The following GUCY1A2 variants were observed in gnomAD, a reference collection of about 807,000 sequenced individuals.
GUCY1A2 encodes the protein guanylate cyclase soluble subunit alpha-2.
In GUCY1A2, 27 loss-of-function variants were observed where a neutral mutation model predicts 63.5. That is an observed-to-expected ratio of 0.43 (90% CI 0.31 to 0.59). The LOEUF (loss-of-function observed/expected upper bound fraction) is 0.59. GUCY1A2 is among the 20% of genes least tolerant of loss of function. The pLI, the probability that GUCY1A2 is intolerant of heterozygous loss-of-function variation, is 0.11. For synonymous variants in GUCY1A2, 364 were observed against 343.5 expected (o/e 1.06, Z -0.66); for missense variants, 768 against 913.3 (o/e 0.84, Z 2.05).
At position 107,018,016 on chromosome 11, in the gene GUCY1A2, G is replaced by GC; in HGVS notation, c.39_40insG (p.Leu14AlafsTer20). The GC allele has an allele frequency of 1.4e-6, 2 of 1,476,638 alleles. No individual in the cohort carries two copies. Among genetic ancestry groups the GC allele is most frequent in the Non-Finnish European group, 1.8e-6 (2 of 1,103,002 alleles). 91.5% of individuals were successfully genotyped at this position (1,476,638 alleles called of 1,614,324 possible). On this transcript the variant is annotated frameshift_variant, in exon 1 of 8. Transcript: ENST00000526355. LOFTEE classifies it high-confidence loss of function. Reference sequence around the variant, plus strand: ...CTGGTCTCCAGGTAGTCGGAGCCCAGGGAGCTGAAGGACTCGGACGAAATC... The same window carrying GC: ...CTGGTCTCCAGGTAGTCGGAGCCCAGCGGAGCTGAAGGACTCGGACGAAATC...
intron 4 of GUCY1A2, among the ~76,000 whole-genome samples, chr11:106,843,337 C>CT (rs1333697697): frequency 6.6e-6 from 1 of 151,794 alleles, no homozygotes; most frequent in East Asian, 1.9e-4. Flanking sequence ...ACAGTGTTCA[C>CT]TGCTTGGGTG....
rs111738546 is a variant in GUCY1A2 at position 106,888,795 on chromosome 11, T to A, written c.1206+50665A>T. On this transcript the variant is annotated intron_variant, in intron 4 of 7. Transcript: ENST00000526355. ...TGATCACTGGAAAAGCAATCTGATT[T>A]CCTTTCCAATTAGACATCTTGATGT... Among the ~76,000 whole-genome samples the A allele has an allele frequency of 1.2e-3, 190 of 152,338 alleles. 1 individual carries two copies. Among genetic ancestry groups the A allele is most frequent in the African/African-American group, 4.3e-3 (178 of 41,594 alleles).
At chr11:106,983,640 TA>T in intron 2 of GUCY1A2, among the ~76,000 whole-genome samples, 1 of 152,192 alleles carries the variant, frequency 6.6e-6, no homozygotes, top group South Asian at 2.1e-4. Flanking sequence ...ATTAAGAAAT[TA>T]AAAAGAGAAG....
At chr11:106,777,445 C>CAAAA (rs34353077) in intron 5 of GUCY1A2, among the ~76,000 whole-genome samples, 1 of 91,382 alleles carries the variant, frequency 1.1e-5, no homozygotes, top group African/African-American at 4.3e-5. Context: ...GACTTGGTCT[C>CAAAA]AAAAAAAAAA....
In GUCY1A2 at chr11:106,772,093, T is replaced by TA. The variant is rs962088235; in HGVS notation, c.1836+4345dup. On this transcript the variant is annotated intron_variant, in intron 6 of 7. Transcript: ENST00000526355. ...TACATTCTCTGGTTATTTTCAAAATTAAAAAAAAATAAATGCAGGCAGTTT... is the reference window on the plus strand; with the variant it reads ...TACATTCTCTGGTTATTTTCAAAATTAAAAAAAAAATAAATGCAGGCAGTTT... 2.3e-3 allele frequency among the ~76,000 whole-genome samples: 348 copies of TA among 151,282 alleles called. 3 individuals carry two copies. Among genetic ancestry groups the TA allele is most frequent in the African/African-American group, 8.2e-3 (337 of 41,288 alleles).
intron 1 of GUCY1A2, among the ~76,000 whole-genome samples, chr11:106,998,881 C>T (rs969143944): frequency 6.6e-6 from 1 of 152,010 alleles, no homozygotes; most frequent in Non-Finnish European, 1.5e-5. Flanking sequence ...TTTGTTTTTA[C>T]TTCCCAATGT....
intron 4 of GUCY1A2, among the ~76,000 whole-genome samples, chr11:106,887,486 A>G (rs1205393391): frequency 6.6e-6 from 1 of 152,190 alleles, no homozygotes; most frequent in East Asian, 1.9e-4. Flanking sequence ...TCTGAAAGTC[A>G]TCTTTTTTAT....
intron 4 of GUCY1A2, among the ~76,000 whole-genome samples, chr11:106,823,772 T>G (rs537822113): frequency 5.3e-5 from 8 of 152,206 alleles, no homozygotes; most frequent in African/African-American, 1.7e-4. Flanking sequence ...GACTGGTGTA[T>G]GATGATGTCT....
intron 4 of GUCY1A2, among the ~76,000 whole-genome samples, chr11:106,855,873 ATCTGTTTGGGTC>A (rs1859422774): frequency 6.8e-6 from 1 of 147,134 alleles, no homozygotes; most frequent in African/African-American, 2.5e-5. Flanking sequence ...AGGGTGTTTT[ATCTGTTTGGGTC>A]TCTTGTATTT....
chr11:106,794,419 T>C (rs975298109), intron 5 of GUCY1A2, among the ~76,000 whole-genome samples: 1 of 151,898 alleles, frequency 6.6e-6, no homozygotes, highest in Non-Finnish European at 1.5e-5. Flanking sequence ...GGATCTACCA[T>C]ATAGCATGCT....
intron 3 of GUCY1A2, among the ~76,000 whole-genome samples, chr11:106,976,132 A>G (rs1861258663): frequency 6.6e-6 from 1 of 152,172 alleles, no homozygotes; most frequent in African/African-American, 2.4e-5. Context: ...CAACCCTGTA[A>G]TAGGTTAAGA....
At chr11:106,753,047 G>A (rs967439319) in intron 6 of GUCY1A2, among the ~76,000 whole-genome samples, 9 of 150,066 alleles carry the variant, frequency 6.0e-5, no homozygotes, top group African/African-American at 2.2e-4. Context: ...TAATGATCAT[G>A]ATGTTAACAG....
At chr11:107,015,779 A>T (rs1179203661) in intron 1 of GUCY1A2, among the ~76,000 whole-genome samples, 1 of 152,136 alleles carries the variant, frequency 6.6e-6, no homozygotes. Context: ...AAATATTTTC[A>T]ACAATTTGCA....
At position 106,717,045 on chromosome 11, in the gene GUCY1A2, C is replaced by A. The variant is rs113863659; in HGVS notation, c.1837-8379G>T. Among the ~76,000 whole-genome samples the A allele has an allele frequency of 8.6e-3, 1,309 of 152,172 alleles. 19 individuals carry two copies. Among genetic ancestry groups the A allele is most frequent in the African/African-American group, 0.029 (1,206 of 41,524 alleles). ...AGAGATGCCAAGTTCATGGTAATAT[C>A]AATTTTGCAGCTATATCTAGCCTCT... On this transcript the variant is annotated intron_variant, in intron 6 of 7. Coordinates refer to ENST00000526355, the MANE Select transcript of GUCY1A2 (RefSeq NM_000855.3).
At chr11:106,933,929 C>A (rs146672879) in intron 4 of GUCY1A2, among the ~76,000 whole-genome samples, 221 of 151,960 alleles carry the variant, frequency 1.5e-3, no homozygotes, top group African/African-American at 5.2e-3. Context: ...AAGATGGCAA[C>A]AATAGACATT....
chr11:106,823,004 C>T (rs1858922839), intron 4 of GUCY1A2, among the ~76,000 whole-genome samples: 1 of 151,922 alleles, frequency 6.6e-6, no homozygotes, highest in East Asian at 1.9e-4. Context: ...GACTGCTACA[C>T]CCTGTTGTTT....
At chr11:106,790,835 G>A (rs1864646211) in intron 5 of GUCY1A2, among the ~76,000 whole-genome samples, 1 of 152,176 alleles carries the variant, frequency 6.6e-6, no homozygotes, top group South Asian at 2.1e-4. Context: ...CTATCCTACT[G>A]TGGCTGAGCT....
At chr11:107,015,339 T>C (rs1861805085) in intron 1 of GUCY1A2, among the ~76,000 whole-genome samples, 1 of 152,138 alleles carries the variant, frequency 6.6e-6, no homozygotes, top group Non-Finnish European at 1.5e-5. Flanking sequence ...AACCATTCTC[T>C]GGATACATTC....
intron 6 of GUCY1A2, among the ~76,000 whole-genome samples, chr11:106,756,185 C>A (rs1328844687): frequency 1.3e-5 from 2 of 152,162 alleles, no homozygotes; most frequent in African/African-American, 4.8e-5. Flanking sequence ...CTTTTCTTTG[C>A]TTTCCATTTG....
Sources: allele counts gnomAD v4.1 joint callset (sites outside exome capture counted in the v4.1 genomes callset), GRCh38; gene constraint gnomAD v4.1.1; transcripts MANE v1.5; gene names NCBI Gene and HGNC (gene_info 2026-07-23, HGNC 2026-07-21).